The following ARL15 variants were observed in gnomAD, a reference collection of about 807,000 sequenced individuals.
ARL15 encodes ADP-ribosylation factor-like protein 15.
ARL15 carries 19 observed loss-of-function variants against 25.2 expected under a neutral mutation model. The ratio of observed to expected loss-of-function variants is 0.75; its 90% CI spans 0.53 to 1.10. The LOEUF is 1.10. ARL15 is among the 50% of genes least tolerant of loss of function. ARL15 has a pLI of 0.00. For synonymous variants in ARL15, 94 were observed against 86.8 expected, an observed-to-expected ratio of 1.08 and a Z score of -0.46; for missense variants, 220 against 246.0, an observed-to-expected ratio of 0.89 and a Z score of 0.71.
intron 1 of ARL15, among the ~76,000 whole-genome samples, chr5:54,183,676 G>A (rs1364466467): frequency 6.6e-6 from 1 of 150,718 alleles, no homozygotes; most frequent in Non-Finnish European, 1.5e-5. Flanking sequence ...TTCAACCATT[G>A]TGGAAGTCAG....
At chr5:53,945,265 A>G (rs1467269031) in intron 4 of ARL15, among the ~76,000 whole-genome samples, 2 of 152,166 alleles carry the variant, frequency 1.3e-5, no homozygotes, top group Non-Finnish European at 2.9e-5. Flanking sequence ...CTACATCACT[A>G]TTACGTTGCA....
intron 4 of ARL15, among the ~76,000 whole-genome samples, chr5:54,111,723 A>G (rs1172817374): frequency 2.6e-5 from 4 of 152,146 alleles, no homozygotes; most frequent in African/African-American, 9.6e-5. Context: ...TACTGTCTAC[A>G]TGTAGTAGTG....
chr5:54,265,124 C>A lies in ARL15; in HGVS notation c.48+45308G>T, dbSNP rs143118295. Among the ~76,000 whole-genome samples, 5 of 152,270 alleles carry A rather than the reference C, an allele frequency of 3.3e-5. No individual in the cohort carries two copies. The East Asian group carries it at 9.6e-4, about 29-fold the overall frequency. On this transcript the variant is annotated intron_variant, in intron 1 of 4. Transcript: ENST00000504924. ...CACAGCTCATGACATCAACTCCCTG[C>A]TGTAATTTTTTTAAATAAAAGTATA...
chr5:53,960,990 A>T (rs1747345036), intron 4 of ARL15, among the ~76,000 whole-genome samples: 1 of 152,166 alleles, frequency 6.6e-6, no homozygotes, highest in Non-Finnish European at 1.5e-5. Flanking sequence ...CTTGTACCAC[A>T]TGGTCCAAAT....
chr5:53,971,484 A>G (rs1747746235), intron 4 of ARL15, among the ~76,000 whole-genome samples: 1 of 152,198 alleles, frequency 6.6e-6, no homozygotes, highest in Non-Finnish European at 1.5e-5. Context: ...GAAGTGACCA[A>G]TGCTATCTCT....
At chr5:54,094,356 A>G (rs1316036622) in intron 4 of ARL15, among the ~76,000 whole-genome samples, 2 of 152,126 alleles carry the variant, frequency 1.3e-5, no homozygotes, top group African/African-American at 4.8e-5. Flanking sequence ...TCTGTTTTAA[A>G]ACAACAATAT....
intron 3 of ARL15, among the ~76,000 whole-genome samples, chr5:54,115,095 C>T (rs1455769912): frequency 6.6e-6 from 1 of 152,170 alleles, no homozygotes; most frequent in Non-Finnish European, 1.5e-5. Context: ...GGTGAAAGCA[C>T]TGTCACTATG....
intron 1 of ARL15, among the ~76,000 whole-genome samples, chr5:54,306,205 G>A (rs1211714804): frequency 3.3e-5 from 5 of 152,080 alleles, no homozygotes; most frequent in African/African-American, 1.2e-4. Context: ...ATTCAAATGG[G>A]TTTTATTTTC....
chr5:54,059,217 T>A (rs1018211167), intron 4 of ARL15, among the ~76,000 whole-genome samples: 3 of 152,216 alleles, frequency 2.0e-5, no homozygotes, highest in African/African-American at 7.2e-5. Flanking sequence ...GTCAGCCAAG[T>A]GATATAACAT....
chr5:54,137,330 G>A (rs1351601894), intron 3 of ARL15, among the ~76,000 whole-genome samples: 1 of 152,106 alleles, frequency 6.6e-6, no homozygotes, highest in South Asian at 2.1e-4. Context: ...GATTCCCAGC[G>A]ATGCTATGCA....
At chr5:54,051,254 T>A (rs909744335) in intron 4 of ARL15, among the ~76,000 whole-genome samples, 2 of 152,182 alleles carry the variant, frequency 1.3e-5, no homozygotes, top group African/African-American at 4.8e-5. Flanking sequence ...GGTATTAGTC[T>A]CATTTTAAGT....
intron 2 of ARL15, among the ~76,000 whole-genome samples, chr5:54,168,895 C>A (rs894271732): frequency 6.6e-6 from 1 of 152,118 alleles, no homozygotes; most frequent in African/African-American, 2.4e-5. Context: ...ATTAAATAAG[C>A]AATATATGTG....
chr5:54,082,986 T>C (rs1751851901), intron 4 of ARL15, among the ~76,000 whole-genome samples: 1 of 152,142 alleles, frequency 6.6e-6, no homozygotes, highest in Non-Finnish European at 1.5e-5. Context: ...AAAAGACAGA[T>C]GAGGCCTACG....
At chr5:53,977,057 G>T (rs984058877) in intron 4 of ARL15, among the ~76,000 whole-genome samples, 1 of 152,098 alleles carries the variant, frequency 6.6e-6, no homozygotes, top group African/African-American at 2.4e-5. Context: ...CAAGGCATAG[G>T]TTAGAAAAAT....
In ARL15 at chr5:54,119,664, T is replaced by G. The variant is rs79070354; in HGVS notation, c.254-6254A>C. Among the ~76,000 whole-genome samples, 362 of 152,284 alleles carry G rather than the reference T, an allele frequency of 2.4e-3. 4 individuals are homozygous for G. The highest frequency in any genetic ancestry group is 8.3e-3 in the African/African-American group (344 of 41,568). ...TGCCATTCCTACCATGTTCCTCTGT[T>G]GATCTCCTTAGATACTCCACAAATG... On this transcript the variant is annotated intron_variant, in intron 3 of 4. Coordinates refer to ENST00000504924, the MANE Select transcript of ARL15 (RefSeq NM_019087.3).
intron 1 of ARL15, among the ~76,000 whole-genome samples, chr5:54,183,530 T>C (rs1407430033): frequency 3.4e-5 from 5 of 147,262 alleles, no homozygotes; most frequent in Non-Finnish European, 7.5e-5. Context: ...AGCTTTTTGA[T>C]GTGCTGCTGG....
rs1171369744 is a variant in ARL15 at position 54,114,406 on chromosome 5, G to GAAAAAAAAAAAAAAA, written c.254-1011_254-997dup. ...GCAACACAGCAAGGCTCCATCTCAA[G>GAAAAAAAAAAAAAAA]AAAAAAAAAAAAAAAAGCAACACCA... On this transcript the variant is annotated intron_variant, in intron 3 of 4. Coordinates refer to ENST00000504924, the MANE Select transcript of ARL15 (RefSeq NM_019087.3). Among the ~76,000 whole-genome samples the GAAAAAAAAAAAAAAA allele has an allele frequency of 3.6e-4, 27 of 74,470 alleles. 2 individuals carry two copies. The highest frequency in any genetic ancestry group is 5.7e-4 in the African/African-American group (10 of 17,560). The allele number at this position is 74,470 out of a possible 152,430, so 48.9% of individuals were successfully genotyped here. A position where few individuals can be genotyped will look rare whatever the true frequency, so the allele number is the denominator to read the frequency against.
At chr5:54,257,155 C>A (rs1280660606) in intron 1 of ARL15, among the ~76,000 whole-genome samples, 3 of 152,198 alleles carry the variant, frequency 2.0e-5, no homozygotes, top group African/African-American at 7.2e-5. Flanking sequence ...CAAACTCTCT[C>A]TGCCAATGAT....
At chr5:54,019,533 C>A (rs769372521) in intron 4 of ARL15, among the ~76,000 whole-genome samples, 1 of 152,094 alleles carries the variant, frequency 6.6e-6, no homozygotes, top group African/African-American at 2.4e-5. Context: ...TCATATTGAA[C>A]GACAGTTAAG....
Sources: allele counts gnomAD v4.1 joint callset (sites outside exome capture counted in the v4.1 genomes callset), GRCh38; gene constraint gnomAD v4.1.1; transcripts MANE v1.5; gene names NCBI Gene and HGNC (gene_info 2026-07-23, HGNC 2026-07-21).